Variants in DLGAP2 observed in about 807,000 individuals in gnomAD.
DLGAP2 encodes DLG associated protein 2.
A neutral mutation model predicts 100.3 loss-of-function variants in DLGAP2; 26 were observed. That is an observed-to-expected ratio of 0.26 (90% CI 0.19 to 0.36). The LOEUF (loss-of-function observed/expected upper bound fraction) is 0.36. Among genes scored for constraint, DLGAP2 ranks in the 10% least tolerant of loss-of-function variants. The pLI is 1.00. For synonymous variants in DLGAP2, 886 were observed against 630.1 expected (o/e 1.41, Z -6.08); for missense variants, 1,858 against 1,453.2 (o/e 1.28, Z -4.53).
chr8:1,522,431 T>C (rs1800637803), intron 4 of DLGAP2, among the ~76,000 whole-genome samples: 1 of 152,188 alleles, frequency 6.6e-6, no homozygotes, highest in African/African-American at 2.4e-5. Flanking sequence ...GGACCTCCTT[T>C]TGCTCAGAGC....
At chr8:1,491,277 G>T (rs1483807335) in intron 3 of DLGAP2, among the ~76,000 whole-genome samples, 3 of 152,150 alleles carry the variant, frequency 2.0e-5, no homozygotes. Context: ...CCCTGCCCAG[G>T]AACTGCCGAT....
intron 2 of DLGAP2, among the ~76,000 whole-genome samples, chr8:1,064,700 C>T (rs1473978804): frequency 2.6e-5 from 4 of 152,202 alleles, no homozygotes; most frequent in African/African-American, 7.2e-5. Context: ...GACCTCTCCA[C>T]GTAGTCAACA....
intron 3 of DLGAP2, among the ~76,000 whole-genome samples, chr8:1,351,837 G>A (rs1239083304): frequency 2.2e-5 from 2 of 91,618 alleles, no homozygotes; most frequent in African/African-American, 7.5e-5. Context: ...AAGGCCATGC[G>A]GGTCCTGAGT....
chr8:1,563,741 C>CG (rs1802275758), intron 5 of DLGAP2, among the ~76,000 whole-genome samples: 4 of 152,170 alleles, frequency 2.6e-5, no homozygotes, highest in Middle Eastern at 3.4e-3. Context: ...TCTGCCGGAG[C>CG]ACTGGTGTGG....
Position 1,607,660 on chromosome 8 carries a change from T to C in DLGAP2, c.1443-19080T>C, listed in dbSNP as rs535044357. On this transcript the variant is annotated intron_variant, in intron 6 of 14. Transcript: ENST00000637795. ...CATCTCACTAGGGAGTGCCAGACAG[T>C]GGGCGCAGGCCAGTGGGTGCGCGCA... Among the ~76,000 whole-genome samples the C allele has an allele frequency of 4.9e-3, 744 of 152,012 alleles. 1 individual carries two copies. The highest frequency in any genetic ancestry group is 0.01 in the South Asian group (50 of 4,826).
intron 2 of DLGAP2, among the ~76,000 whole-genome samples, chr8:1,141,068 G>A (rs1796512872): frequency 1.3e-5 from 2 of 152,300 alleles, no homozygotes; most frequent in East Asian, 3.9e-4. Flanking sequence ...GTCTGTCTTT[G>A]TTGAGTTCAG....
intron 3 of DLGAP2, among the ~76,000 whole-genome samples, chr8:1,454,453 A>C (rs74891745): frequency 6.0e-5 from 9 of 150,664 alleles, no homozygotes; most frequent in African/African-American, 1.9e-4. Context: ...AGGGGAGGGC[A>C]GGTCTTTCTG....
In DLGAP2 at chr8:1,362,599, G is replaced by A. The variant is rs150576698; in HGVS notation, c.106+103716G>A. The stretch of plus-strand genomic sequence containing the variant: ...CACAGTCACCATGGAAAATTCTGAC[G>A]CGAGGCCATCTCTCCCCTTAACACC... On this transcript the variant is annotated intron_variant, in intron 3 of 14. Transcript: ENST00000637795. Among the ~76,000 whole-genome samples the A allele has an allele frequency of 1.4e-4, 21 of 152,236 alleles. No homozygotes were observed. In the East Asian group the frequency reaches 2.3e-3, roughly 17 times the overall value.
At chr8:875,140 C>G (rs895486299) in intron 1 of DLGAP2, among the ~76,000 whole-genome samples, 21 of 152,068 alleles carry the variant, frequency 1.4e-4, no homozygotes, top group African/African-American at 5.1e-4. Flanking sequence ...ATCTTTTAAT[C>G]TTTAAAGTGT....
At chr8:892,035 G>C (rs146906277) in intron 1 of DLGAP2, among the ~76,000 whole-genome samples, 1,665 of 152,362 alleles carry the variant, frequency 0.011, 17 homozygotes, top group Admixed American at 0.026. Context: ...GATGGCCACT[G>C]TCAAAACCGC....
chr8:995,973 C>A (rs1019658778), intron 2 of DLGAP2, among the ~76,000 whole-genome samples: 6 of 152,130 alleles, frequency 3.9e-5, no homozygotes, highest in African/African-American at 1.4e-4. Flanking sequence ...GCTCCTGGCA[C>A]CTGAACATCC....
rs1300708738 is a variant in DLGAP2 at position 1,433,514 on chromosome 8, G to C, written c.107-67852G>C. On this transcript the variant is annotated intron_variant, in intron 3 of 14. Coordinates refer to ENST00000637795, the MANE Select transcript of DLGAP2 (RefSeq NM_001346810.2). ...GGTGTGCAAGTGTACAGATGGTGCTGTCTGGTGAGCCCACCCGAGTAGGTC... is the reference window on the plus strand; with the variant it reads ...GGTGTGCAAGTGTACAGATGGTGCTCTCTGGTGAGCCCACCCGAGTAGGTC... Among the ~76,000 whole-genome samples, 4 of 152,222 alleles carry C rather than the reference G, an allele frequency of 2.6e-5. No individual in the cohort carries two copies. The East Asian group carries it at 5.8e-4, about 22-fold the overall frequency.
intron 3 of DLGAP2, among the ~76,000 whole-genome samples, chr8:1,383,891 C>T (rs28454041): frequency 0.052 from 7,856 of 152,114 alleles, 483 homozygotes; most frequent in East Asian, 0.23. Flanking sequence ...ATGTCTTTGG[C>T]GGTGGACTCT....
At chr8:748,914 G>C (rs1460971042) in intron 1 of DLGAP2, among the ~76,000 whole-genome samples, 1 of 152,238 alleles carries the variant, frequency 6.6e-6, no homozygotes, top group Non-Finnish European at 1.5e-5. Flanking sequence ...TACATCTCTT[G>C]AGATTCTTCT....
chr8:1,028,527 A>G (rs538251806), intron 2 of DLGAP2, among the ~76,000 whole-genome samples: 284 of 147,086 alleles, frequency 1.9e-3, no homozygotes, highest in Middle Eastern at 7.5e-3. Flanking sequence ...GGTGCCAGGC[A>G]CCCGTTATTC....
chr8:1,632,769 G>T (rs1797678316), intron 7 of DLGAP2, 58 bp from the exon 8 acceptor site: 7 of 1,516,678 alleles, frequency 4.6e-6, no homozygotes, highest in Non-Finnish European at 5.3e-6. Flanking sequence ...TGGCTTTTCT[G>T]TAACGTGATG....
At chr8:1,542,603 A>T (rs540261238) in intron 4 of DLGAP2, among the ~76,000 whole-genome samples, 80 of 152,260 alleles carry the variant, frequency 5.3e-4, no homozygotes, top group Non-Finnish European at 9.1e-4. Flanking sequence ...AAACATTTCC[A>T]TTGTGCGGTA....
At chr8:1,012,022 C>A (rs535791666) in intron 2 of DLGAP2, among the ~76,000 whole-genome samples, 1 of 152,198 alleles carries the variant, frequency 6.6e-6, no homozygotes, top group African/African-American at 2.4e-5. Flanking sequence ...ATGGCTTTCA[C>A]AGAAGATGTT....
intron 1 of DLGAP2, among the ~76,000 whole-genome samples, chr8:896,543 G>A (rs1420420866): frequency 9.2e-5 from 14 of 152,156 alleles, no homozygotes; most frequent in Admixed American, 8.5e-4. Context: ...TGAAGCCTTG[G>A]TCCCCAGTGG....
Sources: allele counts gnomAD v4.1 joint callset (sites outside exome capture counted in the v4.1 genomes callset), GRCh38; gene constraint gnomAD v4.1.1; transcripts MANE v1.5; gene names NCBI Gene and HGNC (gene_info 2026-07-23, HGNC 2026-07-21).